OPRM1: variants seen among roughly 807,000 people sequenced by gnomAD.
OPRM1 encodes mu-type opioid receptor.
Under a neutral mutation model 31.8 loss-of-function variants are expected in OPRM1, and 27 were observed. The observed-to-expected ratio is 0.85, with a 90% CI of 0.63 to 1.17. The LOEUF is 1.17. OPRM1 is among the 50% of genes most tolerant of loss of function. The pLI is 0.00. For synonymous variants in OPRM1, 196 were observed against 189.9 expected, an observed-to-expected ratio of 1.03 and a Z score of -0.26; for missense variants, 536 against 511.1, an observed-to-expected ratio of 1.05 and a Z score of -0.47.
chr6:154,093,807 C>A (rs1477917868), intron 3 of OPRM1, among the ~76,000 whole-genome samples: 1 of 152,214 alleles, frequency 6.6e-6, no homozygotes, highest in African/African-American at 2.4e-5. Context: ...CTCCCTTTGG[C>A]TAATCTCCAC....
chr6:154,202,944 G>C (rs1381427809), intron 3 of OPRM1, among the ~76,000 whole-genome samples: 1 of 152,186 alleles, frequency 6.6e-6, no homozygotes, highest in Non-Finnish European at 1.5e-5. Flanking sequence ...AGGTCAGGGG[G>C]AGTTTTCATT....
intron 1 of OPRM1, among the ~76,000 whole-genome samples, chr6:154,082,031 T>C (rs1205024546): frequency 6.6e-6 from 1 of 152,200 alleles, no homozygotes; most frequent in Non-Finnish European, 1.5e-5. Context: ...ATCTTGAAAG[T>C]CTCATTGGGA....
rs111344892 is a variant in OPRM1 at position 154,194,556 on chromosome 6, G to A, written c.1165-52137G>A. Among the ~76,000 whole-genome samples, 394 of 151,886 alleles carry A rather than the reference G, an allele frequency of 2.6e-3. 2 individuals are homozygous for A. The highest frequency in any genetic ancestry group is 8.0e-3 in the African/African-American group (330 of 41,384). On this transcript the variant is annotated intron_variant, in intron 3 of 3. Transcript: ENST00000337049. Reference sequence around the variant, plus strand: ...CTCCTACTTCTTTCAAACTGTCATCGCCACTCTAAGCTTACGTACCTCCAA... The same window carrying A: ...CTCCTACTTCTTTCAAACTGTCATCACCACTCTAAGCTTACGTACCTCCAA...
chr6:154,143,688 G>C (rs1054719432), intron 3 of OPRM1, among the ~76,000 whole-genome samples: 1 of 152,134 alleles, frequency 6.6e-6, no homozygotes, highest in Non-Finnish European at 1.5e-5. Flanking sequence ...GGCTATGAGG[G>C]TTTCACCCTA....
chr6:154,059,528 C>G (rs1313269968), intron 1 of OPRM1, among the ~76,000 whole-genome samples: 1 of 152,068 alleles, frequency 6.6e-6, no homozygotes, highest in Non-Finnish European at 1.5e-5. Flanking sequence ...TGTTATTCAG[C>G]CAAGCACTGT....
chr6:154,130,796 AT>A lies in OPRM1; in HGVS notation c.*12078del, dbSNP rs1797854475. 6.6e-6 allele frequency among the ~76,000 whole-genome samples: 1 copy of A among 151,976 alleles called. No individual in the cohort carries two copies. Among genetic ancestry groups the A allele is most frequent in the African/African-American group, 2.4e-5 (1 of 41,402 alleles). On this transcript the variant is annotated 3_prime_UTR_variant, in exon 4 of 4. Transcript: ENST00000330432. ...AATGGGAATTTATATTGGCACATAC[AT>A]TTCCATTATTTTAATGGGAATTAAA...
At chr6:154,215,509 G>A (rs954161304) in intron 3 of OPRM1, among the ~76,000 whole-genome samples, 1 of 152,090 alleles carries the variant, frequency 6.6e-6, no homozygotes, top group South Asian at 2.1e-4. Context: ...GGGAGTCTGA[G>A]GCAGGAGAAT....
At chr6:154,229,769 G>A (rs544188965) in intron 3 of OPRM1, among the ~76,000 whole-genome samples, 2 of 152,342 alleles carry the variant, frequency 1.3e-5, no homozygotes, top group East Asian at 3.9e-4. Flanking sequence ...AGGTTTGCAT[G>A]CAAATCGTTA....
At chr6:154,054,666 A>G (rs962559460) in intron 1 of OPRM1, among the ~76,000 whole-genome samples, 7 of 152,234 alleles carry the variant, frequency 4.6e-5, no homozygotes, top group Non-Finnish European at 1.0e-4. Context: ...AAAGCTCAGG[A>G]TGTTTTGAAA....
At chr6:154,056,558 A>G (rs1783342411) in intron 1 of OPRM1, among the ~76,000 whole-genome samples, 2 of 151,566 alleles carry the variant, frequency 1.3e-5, no homozygotes, top group Admixed American at 6.6e-5. Flanking sequence ...AAACTCTATA[A>G]ATAAAGCAAG....
intron 3 of OPRM1, among the ~76,000 whole-genome samples, chr6:154,100,426 G>T (rs2128502735): frequency 6.6e-6 from 1 of 151,640 alleles, no homozygotes; most frequent in East Asian, 1.9e-4. Flanking sequence ...AGTGCTTGTT[G>T]CTTTACTGTG....
At chr6:154,212,956 T>C (rs1778088546) in intron 3 of OPRM1, 1 of 808,828 alleles carries the variant, frequency 1.2e-6, no homozygotes, top group Non-Finnish European at 2.1e-6. Context: ...GCAATTTCAA[T>C]CCAATTCAGA....
At chr6:154,132,770 G>A (rs956413073), downstream of OPRM1, among the ~76,000 whole-genome samples, 4 of 152,160 alleles carry the variant, frequency 2.6e-5, no homozygotes, top group African/African-American at 9.7e-5. Flanking sequence ...AGCATGCTCT[G>A]GGTTGTTAGG....
intron 3 of OPRM1, among the ~76,000 whole-genome samples, chr6:154,237,096 TAGA>T: frequency 6.6e-6 from 1 of 152,204 alleles, no homozygotes; most frequent in East Asian, 1.9e-4. Flanking sequence ...AGCTTGTCTG[TAGA>T]AGAAGCAGCT....
At chr6:154,019,702 C>T (rs1217069184) in intron 1 of OPRM1, among the ~76,000 whole-genome samples, 1 of 149,754 alleles carries the variant, frequency 6.7e-6, no homozygotes, top group Non-Finnish European at 1.5e-5. Context: ...TTTAAGGTTT[C>T]TCTATGTATT....
At chr6:154,057,300 A>G (rs1045414179) in intron 1 of OPRM1, among the ~76,000 whole-genome samples, 1 of 152,258 alleles carries the variant, frequency 6.6e-6, no homozygotes, top group Non-Finnish European at 1.5e-5. Flanking sequence ...TGAGCAAAAT[A>G]GACACAGTCT....
chr6:154,127,576 T>G lies in OPRM1; in HGVS notation c.*8855T>G, dbSNP rs1052967856. On this transcript the variant is annotated 3_prime_UTR_variant, in exon 4 of 4. Coordinates refer to ENST00000330432, the MANE Select transcript of OPRM1 (RefSeq NM_000914.5). Reference sequence around the variant, plus strand: ...TCCACACCACCAATTGAGATGTACCTGTGCTCATGACTTGACATTGTGGTG... The same window carrying G: ...TCCACACCACCAATTGAGATGTACCGGTGCTCATGACTTGACATTGTGGTG... 1.3e-5 allele frequency among the ~76,000 whole-genome samples: 2 copies of G among 152,228 alleles called. No homozygotes were observed. Among genetic ancestry groups the G allele is most frequent in the South Asian group, 2.1e-4 (1 of 4,834 alleles).
intron 3 of OPRM1, among the ~76,000 whole-genome samples, chr6:154,237,797 C>T (rs978795023): frequency 1.3e-5 from 2 of 152,104 alleles, no homozygotes; most frequent in Admixed American, 6.5e-5. Context: ...CACACATATA[C>T]ATATGTATGT....
chr6:154,154,922 C>A (rs1303888284), intron 3 of OPRM1: 1 of 152,346 alleles, frequency 6.6e-6, no homozygotes, highest in Non-Finnish European at 1.5e-5. Context: ...ATCATGCAAG[C>A]ACATTAAAAT....
Sources: allele counts gnomAD v4.1 joint callset (sites outside exome capture counted in the v4.1 genomes callset), GRCh38; gene constraint gnomAD v4.1.1; transcripts MANE v1.5; gene names NCBI Gene and HGNC (gene_info 2026-07-23, HGNC 2026-07-21).